Variants in ARHGAP15 observed in about 807,000 individuals in gnomAD.
ARHGAP15 encodes Rho GTPase activating protein 15, also known as rho GTPase-activating protein 15.
A neutral mutation model predicts 63.7 loss-of-function variants in ARHGAP15; 51 were observed. The ratio of observed to expected loss-of-function variants is 0.80; its 90% CI spans 0.64 to 1.01. The LOEUF (loss-of-function observed/expected upper bound fraction) is 1.01. ARHGAP15 is among the 50% of genes least tolerant of loss of function. ARHGAP15 has a pLI of 0.00. For synonymous variants in ARHGAP15, 191 were observed against 193.8 expected (o/e 0.99, Z 0.12); for missense variants, 560 against 564.6 (o/e 0.99, Z 0.08).
At chr2:143,674,773 G>A (rs559329199) in intron 12 of ARHGAP15, among the ~76,000 whole-genome samples, 43 of 152,108 alleles carry the variant, frequency 2.8e-4, no homozygotes, top group Non-Finnish European at 5.7e-4. Context: ...TTTAAAATGC[G>A]TTAGTGCTAA....
At chr2:143,452,165 G>A (rs1223999035) in intron 8 of ARHGAP15, among the ~76,000 whole-genome samples, 3 of 151,956 alleles carry the variant, frequency 2.0e-5, no homozygotes, top group Non-Finnish European at 2.9e-5. Flanking sequence ...ACAGAGAATC[G>A]TCTGCTGTTT....
chr2:143,303,655 A>G (rs1199691894), intron 6 of ARHGAP15, among the ~76,000 whole-genome samples: 1 of 152,160 alleles, frequency 6.6e-6, no homozygotes, highest in Non-Finnish European at 1.5e-5. Flanking sequence ...AAAAGAAACT[A>G]CCATCAGAGT....
intron 6 of ARHGAP15, among the ~76,000 whole-genome samples, chr2:143,413,962 T>TGCGCGCACGCGC (rs1337258046): frequency 3.4e-5 from 2 of 59,580 alleles, no homozygotes; most frequent in African/African-American, 1.3e-4. Context: ...TGTGTGTGTG[T>TGCGCGCACGCGC]GTGTGCGCGC....
intron 11 of ARHGAP15, chr2:143,593,284 C>T (rs1559069539): frequency 6.6e-6 from 1 of 152,134 alleles, no homozygotes; most frequent in Non-Finnish European, 1.5e-5. Context: ...TGATTCAATC[C>T]ATTCCTTAGC....
At chr2:143,588,162 C>A (rs1267895513) in intron 11 of ARHGAP15, among the ~76,000 whole-genome samples, 1 of 152,176 alleles carries the variant, frequency 6.6e-6, no homozygotes, top group African/African-American at 2.4e-5. Flanking sequence ...CTCTGGGAAG[C>A]CAATGGCACC....
At chr2:143,586,019 A>G (rs1408910962) in intron 11 of ARHGAP15, among the ~76,000 whole-genome samples, 1 of 152,102 alleles carries the variant, frequency 6.6e-6, no homozygotes, top group Non-Finnish European at 1.5e-5. Context: ...AAATGGTCTT[A>G]TACTGGAAGA....
At chr2:143,434,647 C>T (rs1689529967) in intron 6 of ARHGAP15, among the ~76,000 whole-genome samples, 1 of 152,084 alleles carries the variant, frequency 6.6e-6, no homozygotes, top group Admixed American at 6.6e-5. Flanking sequence ...TCCTCTAAAC[C>T]CCTGAACTCT....
At chr2:143,455,513 C>T (rs1690606374) in intron 8 of ARHGAP15, among the ~76,000 whole-genome samples, 3 of 152,014 alleles carry the variant, frequency 2.0e-5, no homozygotes, top group South Asian at 4.1e-4. Context: ...TTATTTTACC[C>T]AGCCGCTATT....
intron 9 of ARHGAP15, among the ~76,000 whole-genome samples, chr2:143,508,829 T>C (rs1473492007): frequency 1.3e-5 from 2 of 152,184 alleles, no homozygotes; most frequent in Admixed American, 6.5e-5. Flanking sequence ...CAAAATTAGA[T>C]TGACATCTAT....
intron 13 of ARHGAP15, among the ~76,000 whole-genome samples, chr2:143,726,436 A>G (rs942699632): frequency 5.3e-5 from 8 of 149,542 alleles, no homozygotes; most frequent in African/African-American, 2.0e-4. Context: ...AAAAAAAAAG[A>G]AAAAAAAAAG....
At chr2:143,461,964 G>A (rs551110045) in intron 8 of ARHGAP15, among the ~76,000 whole-genome samples, 3 of 152,102 alleles carry the variant, frequency 2.0e-5, no homozygotes, top group Admixed American at 1.3e-4. Context: ...AGCAGCCTGG[G>A]CAACATGGCA....
At chr2:143,598,295 AC>A (rs1217479016) in intron 11 of ARHGAP15, among the ~76,000 whole-genome samples, 1 of 152,188 alleles carries the variant, frequency 6.6e-6, no homozygotes, top group African/African-American at 2.4e-5. Context: ...AAGTCTAGAT[AC>A]GGATCAAATC....
chr2:143,247,655 A>G (rs1323112748), intron 5 of ARHGAP15, among the ~76,000 whole-genome samples: 17 of 152,242 alleles, frequency 1.1e-4, no homozygotes, highest in African/African-American at 3.6e-4. Context: ...CTAATATGAG[A>G]TTTTTCAAGG....
In ARHGAP15 at chr2:143,501,593, C is replaced by T. The variant is rs532845680; in HGVS notation, c.826+14098C>T. ...ATGTCAGATACCTCCAGTTCTCTAG[C>T]ATCCGTTTCTTATGTTCATGTACAC... On this transcript the variant is annotated intron_variant, in intron 9 of 13. Transcript: ENST00000295095. 2.0e-5 allele frequency among the ~76,000 whole-genome samples: 3 copies of T among 152,338 alleles called. 1 individual carries two copies. The highest frequency in any genetic ancestry group is 7.2e-5 in the African/African-American group (3 of 41,588).
At chr2:143,472,162 C>T (rs1691607924) in intron 8 of ARHGAP15, 1 of 152,172 alleles carries the variant, frequency 6.6e-6, no homozygotes, top group African/African-American at 2.4e-5. Context: ...ATTATCATCA[C>T]TACATAAGGT....
intron 6 of ARHGAP15, among the ~76,000 whole-genome samples, chr2:143,308,045 AAT>A (rs368060162): frequency 3.0e-3 from 464 of 152,276 alleles, no homozygotes; most frequent in African/African-American, 0.011. Flanking sequence ...AAGAAGAGAT[AAT>A]ATGCAAACTT....
intron 6 of ARHGAP15, among the ~76,000 whole-genome samples, chr2:143,414,342 C>T (rs933577334): frequency 6.6e-5 from 10 of 151,174 alleles, no homozygotes; most frequent in African/African-American, 1.2e-4. Context: ...CCAAAAAGAG[C>T]GAAAAGAAAT....
chr2:143,309,640 G>T (rs990844561), intron 6 of ARHGAP15, among the ~76,000 whole-genome samples: 1 of 151,976 alleles, frequency 6.6e-6, no homozygotes, highest in Non-Finnish European at 1.5e-5. Context: ...AAGGGGAGGT[G>T]GTAACAATAA....
intron 13 of ARHGAP15, among the ~76,000 whole-genome samples, chr2:143,725,382 G>C (rs954071070): frequency 6.6e-6 from 1 of 152,104 alleles, no homozygotes; most frequent in Non-Finnish European, 1.5e-5. Flanking sequence ...TTTGGCCTGT[G>C]GAGAAGACAC....
Sources: gnomAD v4.1 joint callset for allele counts (sites outside exome capture counted in the v4.1 genomes callset) on GRCh38, gnomAD v4.1.1 for gene constraint, MANE v1.5 for transcripts, NCBI Gene and HGNC (gene_info 2026-07-23, HGNC 2026-07-21) for gene names.